The following KATNAL1 variants were observed in gnomAD, a reference collection of about 807,000 sequenced individuals.
KATNAL1 encodes the protein katanin p60 ATPase-containing subunit A-like 1.
In KATNAL1, 32 loss-of-function variants were observed where a neutral mutation model predicts 55.2. The ratio of observed to expected loss-of-function variants is 0.58; its 90% CI spans 0.44 to 0.78. The LOEUF (loss-of-function observed/expected upper bound fraction) is 0.78. Among genes scored for constraint, KATNAL1 ranks in the 30% least tolerant of loss-of-function variants. The probability of loss-of-function intolerance (pLI) is 0.00; values close to 1 mark genes in which losing one functional copy is unlikely to be tolerated. For missense variants in KATNAL1, 466 were observed against 600.9 expected (o/e 0.78, Z 2.35); for synonymous variants, 193 against 193.6 (o/e 1.00, Z 0.02).
At chr13:30,271,878 G>GGA (rs1880393285) in intron 3 of KATNAL1, among the ~76,000 whole-genome samples, 2 of 76,792 alleles carry the variant, frequency 2.6e-5, no homozygotes, top group South Asian at 1.2e-3. Flanking sequence ...AAGAAAAGAG[G>GGA]AAAAAAAAAA....
At position 30,274,946 on chromosome 13, in the gene KATNAL1, CACACACAG is replaced by C. The variant is rs1209940884; in HGVS notation, c.323+5109_323+5116del. Among the ~76,000 whole-genome samples, 927 of 150,324 alleles carry C rather than the reference CACACACAG, an allele frequency of 6.2e-3. 12 individuals carry two copies. Among genetic ancestry groups the C allele is most frequent in the African/African-American group, 0.022 (887 of 40,494 alleles). ...ACACACACACACACACACACACACA[CACACACAG>C]GAATATTATTCAACCTTAAGAGAAG... On this transcript the variant is annotated intron_variant, in intron 3 of 10. Transcript: ENST00000380615.
Position 30,221,350 on chromosome 13 carries a change from C to T in KATNAL1, c.1147+6062G>A, listed in dbSNP as rs546649660. On this transcript the variant is annotated intron_variant, in intron 9 of 10. Transcript: ENST00000380615. ...CCAACAGGCAGTGAAGAACTGAATA[C>T]TGATTTTTCTTAGTTCTGCCAGTAA... 1.5e-3 allele frequency among the ~76,000 whole-genome samples: 225 copies of T among 152,294 alleles called. 3 individuals carry two copies. The highest frequency in any genetic ancestry group is 5.2e-3 in the African/African-American group (217 of 41,562).
At chr13:30,303,237 A>G (rs1343304120) in intron 1 of KATNAL1, among the ~76,000 whole-genome samples, 1 of 152,254 alleles carries the variant, frequency 6.6e-6, no homozygotes, top group Non-Finnish European at 1.5e-5. Flanking sequence ...CATCCAGTGA[A>G]GATTAAACCA....
intron 9 of KATNAL1, among the ~76,000 whole-genome samples, chr13:30,223,166 T>C (rs926887583): frequency 1.3e-5 from 2 of 151,046 alleles, no homozygotes; most frequent in African/African-American, 2.4e-5. Context: ...CTATAAAAAC[T>C]GCACTGTACA....
chr13:30,293,131 C>A (rs1328436539), intron 1 of KATNAL1, among the ~76,000 whole-genome samples: 1 of 151,934 alleles, frequency 6.6e-6, no homozygotes, highest in African/African-American at 2.4e-5. Context: ...TTAAAAATTT[C>A]TTTCCATTTT....
Position 30,204,335 on chromosome 13 carries a change from C to A in KATNAL1, c.*4205G>T, listed in dbSNP as rs569026825. On this transcript the variant is annotated 3_prime_UTR_variant, in exon 11 of 11. Transcript: ENST00000380615. ...TTAAGAGTGGGAATCCACTATTAGG[C>A]AAAGAAAGACTCAATAACCTAGACA... 6.6e-6 allele frequency: 1 copy of A among 152,240 alleles called. No homozygotes were observed. Among genetic ancestry groups the A allele is most frequent in the South Asian group, 2.1e-4 (1 of 4,816 alleles). The allele number at this position is 152,240 out of a possible 1,614,324, so 9.4% of individuals were successfully genotyped here.
chr13:30,226,154 T>G (rs1566091727), intron 9 of KATNAL1, among the ~76,000 whole-genome samples: 1 of 152,206 alleles, frequency 6.6e-6, no homozygotes, highest in East Asian at 1.9e-4. Context: ...TGGAAGTATT[T>G]GAATTCTCAT....
At chr13:30,254,664 G>A (rs1878630389) in intron 4 of KATNAL1, among the ~76,000 whole-genome samples, 1 of 152,106 alleles carries the variant, frequency 6.6e-6, no homozygotes, top group Admixed American at 6.5e-5. Flanking sequence ...GCCTGAATGT[G>A]ATGACAGATC....
intron 10 of KATNAL1, among the ~76,000 whole-genome samples, 188 bp downstream of exon 10, chr13:30,210,128 T>C (rs1873532429): frequency 6.6e-6 from 1 of 151,122 alleles, no homozygotes; most frequent in Non-Finnish European, 1.5e-5. Flanking sequence ...CACTGCTATA[T>C]AATTTTCATC....
At chr13:30,260,653 GA>G (rs1176765939) in intron 3 of KATNAL1, among the ~76,000 whole-genome samples, 5 of 152,096 alleles carry the variant, frequency 3.3e-5, no homozygotes, top group Non-Finnish European at 7.4e-5. Flanking sequence ...AATGAAGCGA[GA>G]AGGGAAATTT....
At chr13:30,270,003 C>T (rs536950261) in intron 3 of KATNAL1, among the ~76,000 whole-genome samples, 4,418 of 146,276 alleles carry the variant, frequency 0.03, 97 homozygotes, top group Non-Finnish European at 0.046. Flanking sequence ...CCCGGCCAGC[C>T]GCCCCGTCCG....
chr13:30,225,621 T>C (rs1396401478), intron 9 of KATNAL1, among the ~76,000 whole-genome samples: 1 of 149,370 alleles, frequency 6.7e-6, no homozygotes, highest in East Asian at 2.0e-4. Context: ...TACAACTGCA[T>C]ATACATATGA....
At chr13:30,234,433 C>T (rs1447768035) in intron 6 of KATNAL1, among the ~76,000 whole-genome samples, 1 of 152,184 alleles carries the variant, frequency 6.6e-6, no homozygotes, top group Non-Finnish European at 1.5e-5. Flanking sequence ...CTTCACTTCT[C>T]TCTGACCTTT....
chr13:30,269,657 G>A (rs1311828461), intron 3 of KATNAL1, among the ~76,000 whole-genome samples: 1 of 151,658 alleles, frequency 6.6e-6, no homozygotes, highest in Admixed American at 6.6e-5. Context: ...CATCGTCTGG[G>A]ATGTGAGGAG....
At chr13:30,299,264 A>T (rs1406924007) in intron 1 of KATNAL1, among the ~76,000 whole-genome samples, 1 of 152,162 alleles carries the variant, frequency 6.6e-6, no homozygotes, top group Non-Finnish European at 1.5e-5. Flanking sequence ...TTTAGTTGTG[A>T]CCTCAGGCAA....
chr13:30,277,856 G>A (rs1252366034), intron 3 of KATNAL1, among the ~76,000 whole-genome samples: 3 of 150,386 alleles, frequency 2.0e-5, no homozygotes, highest in Non-Finnish European at 4.5e-5. Flanking sequence ...AGTGGCGGGC[G>A]CCTGTAGTCC....
intron 4 of KATNAL1, among the ~76,000 whole-genome samples, chr13:30,252,063 AT>A (rs1482211608): frequency 6.6e-6 from 1 of 152,228 alleles, no homozygotes; most frequent in East Asian, 1.9e-4. Context: ...GCATTTTCAA[AT>A]AAGAGTCTGT....
At chr13:30,228,683 G>A (rs1875762538) in intron 8 of KATNAL1, among the ~76,000 whole-genome samples, 2 of 152,196 alleles carry the variant, frequency 1.3e-5, no homozygotes, top group Admixed American at 6.5e-5. Flanking sequence ...TAAGTATTCA[G>A]TAAGTATCCA....
intron 6 of KATNAL1, among the ~76,000 whole-genome samples, chr13:30,233,624 T>C (rs535716991): frequency 1.3e-5 from 2 of 150,318 alleles, no homozygotes; most frequent in Non-Finnish European, 3.0e-5. Context: ...AATCGATATG[T>C]CGAAGAATTA....
Sources: gnomAD v4.1 joint callset for allele counts (sites outside exome capture counted in the v4.1 genomes callset) on GRCh38, gnomAD v4.1.1 for gene constraint, MANE v1.5 for transcripts, NCBI Gene and HGNC (gene_info 2026-07-23, HGNC 2026-07-21) for gene names.